DCC: variants seen among roughly 807,000 people sequenced by gnomAD.
DCC encodes the protein netrin receptor DCC.
Under a neutral mutation model 172.5 loss-of-function variants are expected in DCC, and 58 were observed. The ratio of observed to expected loss-of-function variants is 0.34; its 90% confidence interval spans 0.27 to 0.42. DCC has a LOEUF of 0.42. DCC is among the 10% of genes least tolerant of loss of function. The pLI is 1.00. For missense variants in DCC, 1,740 were observed against 1,791.0 expected (o/e 0.97, Z 0.51); for synonymous variants, 709 against 644.5 (o/e 1.10, Z -1.52).
intron 19 of DCC, among the ~76,000 whole-genome samples, 181 bp downstream of exon 19, chr18:53,403,074 GCACACACACACA>G (rs3059148): frequency 0.058 from 8,513 of 145,840 alleles, 458 homozygotes; most frequent in African/African-American, 0.14. Flanking sequence ...TTCTAATGGT[GCACACACACACA>G]CACACACACA....
chr18:52,711,623 A>C (rs190169796), intron 1 of DCC, among the ~76,000 whole-genome samples: 80 of 152,308 alleles, frequency 5.3e-4, no homozygotes, highest in Admixed American at 1.1e-3. Context: ...TTGGGGAAGG[A>C]AATGAACAGC....
rs187258138 is a variant in DCC at position 53,473,965 on chromosome 18, T to C, written c.3736+5955T>C. On this transcript the variant is annotated intron_variant, in intron 25 of 28. Transcript: ENST00000442544. ...TTTGTAGGCCTAAAATAACAAATCT[T>C]CTCTTAGTGACTTATTCTACATGAA... Among the ~76,000 whole-genome samples, 6 of 152,242 alleles carry C rather than the reference T, an allele frequency of 3.9e-5. No homozygotes were observed. The East Asian group carries it at 5.8e-4, about 15-fold the overall frequency.
chr18:53,331,906 A>G (rs1302671275), intron 14 of DCC, among the ~76,000 whole-genome samples: 1 of 152,214 alleles, frequency 6.6e-6, no homozygotes, highest in Non-Finnish European at 1.5e-5. Flanking sequence ...CTTCCCTAAA[A>G]AATACTTTAC....
At chr18:52,454,055 T>C (rs1180545687) in intron 1 of DCC, among the ~76,000 whole-genome samples, 2 of 152,182 alleles carry the variant, frequency 1.3e-5, no homozygotes. Flanking sequence ...AAACGTGATA[T>C]ACCCATGTAA....
chr18:52,777,553 A>G (rs1048703325), intron 2 of DCC, among the ~76,000 whole-genome samples: 6 of 152,196 alleles, frequency 3.9e-5, no homozygotes, highest in African/African-American at 1.4e-4. Flanking sequence ...AAAATCCTTT[A>G]AAAGAAATAA....
At chr18:52,792,592 A>G (rs1429615098) in intron 2 of DCC, among the ~76,000 whole-genome samples, 9 of 152,178 alleles carry the variant, frequency 5.9e-5, no homozygotes, top group African/African-American at 1.9e-4. Context: ...TATGCCCAGA[A>G]ACCCATAGGT....
At chr18:53,060,627 C>T (rs2042480912) in intron 5 of DCC, among the ~76,000 whole-genome samples, 2 of 152,076 alleles carry the variant, frequency 1.3e-5, no homozygotes. Flanking sequence ...AATAATACGG[C>T]TAAATCAGAT....
intron 1 of DCC, among the ~76,000 whole-genome samples, chr18:52,647,947 C>A (rs2035050101): frequency 6.6e-6 from 1 of 152,038 alleles, no homozygotes; most frequent in South Asian, 2.1e-4. Flanking sequence ...TGTTAGAAAT[C>A]TGATAAAGAG....
chr18:52,442,694 A>G (rs1988005220), intron 1 of DCC, among the ~76,000 whole-genome samples: 1 of 152,250 alleles, frequency 6.6e-6, no homozygotes, highest in Admixed American at 6.5e-5. Context: ...GATTGAGAAA[A>G]TAATATGCCA....
intron 1 of DCC, among the ~76,000 whole-genome samples, chr18:52,632,432 A>C (rs1428083848): frequency 1.3e-5 from 2 of 152,226 alleles, no homozygotes; most frequent in Non-Finnish European, 2.9e-5. Flanking sequence ...TTTGACTTGC[A>C]TGCGTAATAA....
chr18:52,845,309 AG>A (rs796284202), intron 2 of DCC, among the ~76,000 whole-genome samples: 16 of 152,314 alleles, frequency 1.1e-4, no homozygotes, highest in African/African-American at 3.6e-4. Context: ...CTACTCTCAA[AG>A]CTTTATATTG....
intron 12 of DCC, among the ~76,000 whole-genome samples, chr18:53,263,029 T>G (rs190749248): frequency 2.1e-3 from 313 of 152,296 alleles, no homozygotes; most frequent in African/African-American, 7.2e-3. Flanking sequence ...AGAACTGGAT[T>G]TGGGGGTATG....
chr18:53,233,348 G>C (rs1272307173), intron 12 of DCC, among the ~76,000 whole-genome samples: 1 of 151,890 alleles, frequency 6.6e-6, no homozygotes, highest in African/African-American at 2.4e-5. Flanking sequence ...ACATTTTTTT[G>C]CCTATATCCA....
chr18:53,357,058 G>A (rs763976318), intron 15 of DCC, among the ~76,000 whole-genome samples: 7 of 152,038 alleles, frequency 4.6e-5, no homozygotes, highest in African/African-American at 7.2e-5. Context: ...CCAGGCAAGC[G>A]GGATACATCC....
chr18:52,376,106 G>A (rs1486234719), intron 1 of DCC, among the ~76,000 whole-genome samples: 1 of 152,088 alleles, frequency 6.6e-6, no homozygotes, highest in Non-Finnish European at 1.5e-5. Flanking sequence ...TCTGTAGGAC[G>A]ATGGCTTGAA....
At chr18:52,840,349 G>A (rs1163327212) in intron 2 of DCC, among the ~76,000 whole-genome samples, 1 of 152,116 alleles carries the variant, frequency 6.6e-6, no homozygotes, top group Non-Finnish European at 1.5e-5. Flanking sequence ...ATCACCATGA[G>A]ACAGGGATTG....
At chr18:52,372,987 T>C (rs1193039428) in intron 1 of DCC, among the ~76,000 whole-genome samples, 1 of 152,202 alleles carries the variant, frequency 6.6e-6, no homozygotes, top group Non-Finnish European at 1.5e-5. Flanking sequence ...GGAGCCTCTA[T>C]TCCCACGCTA....
intron 5 of DCC, among the ~76,000 whole-genome samples, chr18:53,055,132 C>T (rs1299411807): frequency 1.3e-5 from 2 of 152,060 alleles, no homozygotes; most frequent in East Asian, 1.9e-4. Flanking sequence ...TATGAAGCAC[C>T]TATCCCATGC....
At chr18:52,909,561 C>T (rs1393888425) in intron 3 of DCC, among the ~76,000 whole-genome samples, 3 of 152,106 alleles carry the variant, frequency 2.0e-5, no homozygotes, top group South Asian at 2.1e-4. Context: ...TTATTCAAGT[C>T]TATGTGAAAC....
Sources: gnomAD v4.1 joint callset for allele counts (sites outside exome capture counted in the v4.1 genomes callset) on GRCh38, gnomAD v4.1.1 for gene constraint, MANE v1.5 for transcripts, NCBI Gene and HGNC (gene_info 2026-07-23, HGNC 2026-07-21) for gene names.